Variants in ROR2 observed in about 807,000 individuals in gnomAD.
ROR2 encodes the protein tyrosine-protein kinase transmembrane receptor ROR2.
In ROR2, 33 loss-of-function variants were observed where a neutral mutation model predicts 74.9. The observed-to-expected ratio is 0.44, with a 90% CI of 0.33 to 0.59. The LOEUF is 0.59. Ranked by LOEUF, ROR2 falls within the 20% of genes least tolerant of loss-of-function variation. ROR2 has a pLI of 0.02. For synonymous variants in ROR2, 586 were observed against 558.7 expected, an observed-to-expected ratio of 1.05 and a Z score of -0.69; for missense variants, 1,216 against 1,313.8, an observed-to-expected ratio of 0.93 and a Z score of 1.15.
intron 1 of ROR2, among the ~76,000 whole-genome samples, chr9:91,935,743 C>T (rs1009339645): frequency 6.6e-6 from 1 of 152,112 alleles, no homozygotes; most frequent in East Asian, 1.9e-4. Context: ...TGGGATGCCC[C>T]GCTGCAGAAA....
chr9:91,906,555 ACCTCCACCATTCATTT>A (rs1172744092), intron 1 of ROR2, among the ~76,000 whole-genome samples: 1 of 151,922 alleles, frequency 6.6e-6, no homozygotes, highest in African/African-American at 2.4e-5. Context: ...TCCAAGAGCC[ACCTCCACCATTCATTT>A]CCCCTTCATT....
At chr9:91,731,552 C>T (rs1169566283) in intron 6 of ROR2, among the ~76,000 whole-genome samples, 1 of 152,188 alleles carries the variant, frequency 6.6e-6, no homozygotes, top group African/African-American at 2.4e-5. Context: ...TGGGTGAGAA[C>T]AGTGCAGGCC....
At chr9:91,928,826 C>A (rs941476722) in intron 1 of ROR2, among the ~76,000 whole-genome samples, 8 of 152,246 alleles carry the variant, frequency 5.3e-5, no homozygotes, top group African/African-American at 1.9e-4. Flanking sequence ...GTCAATCATG[C>A]AAGCTCCACA....
At chr9:91,769,746 C>A (rs1734279705) in intron 2 of ROR2, among the ~76,000 whole-genome samples, 2 of 152,188 alleles carry the variant, frequency 1.3e-5, no homozygotes, top group Middle Eastern at 3.2e-3. Flanking sequence ...CCGCTCACTC[C>A]CGTCCCGGCC....
At chr9:91,793,247 A>C (rs1020563351) in intron 1 of ROR2, among the ~76,000 whole-genome samples, 3 of 152,220 alleles carry the variant, frequency 2.0e-5, no homozygotes, top group African/African-American at 7.2e-5. Flanking sequence ...GATCAATAGG[A>C]TGGAATTTGA....
intron 1 of ROR2, among the ~76,000 whole-genome samples, chr9:91,851,563 C>T (rs1382331178): frequency 2.0e-5 from 3 of 152,152 alleles, no homozygotes; most frequent in Non-Finnish European, 2.9e-5. Context: ...ACGTGGACTT[C>T]AGAAACAGCA....
intron 4 of ROR2, among the ~76,000 whole-genome samples, chr9:91,751,178 C>A (rs1171833868): frequency 6.6e-6 from 1 of 151,990 alleles, no homozygotes; most frequent in Non-Finnish European, 1.5e-5. Context: ...AAGAGGGTCC[C>A]TATCAGTGAA....
chr9:91,763,876 A>G (rs1291546707), intron 2 of ROR2, among the ~76,000 whole-genome samples: 2 of 152,212 alleles, frequency 1.3e-5, no homozygotes, highest in Non-Finnish European at 2.9e-5. Flanking sequence ...TGTGATCACA[A>G]TTCTTTGAAG....
intron 1 of ROR2, among the ~76,000 whole-genome samples, chr9:91,815,267 A>T (rs1433423943): frequency 6.6e-6 from 1 of 152,230 alleles, no homozygotes; most frequent in Non-Finnish European, 1.5e-5. Context: ...ATGGTTTCCA[A>T]CATGCCATGT....
chr9:91,947,621 G>C (rs752403065), intron 1 of ROR2, among the ~76,000 whole-genome samples: 7 of 152,150 alleles, frequency 4.6e-5, no homozygotes, highest in Admixed American at 4.6e-4. Context: ...AAAAATGGGG[G>C]CTGGGGGGAC....
intron 1 of ROR2, chr9:91,948,674 G>C (rs1832076660): frequency 1.0e-6 from 1 of 985,554 alleles, no homozygotes; most frequent in Non-Finnish European, 1.2e-6. Flanking sequence ...CGCAGGAAAA[G>C]CAGAGCGTCT....
chr9:91,774,272 C>A (rs1826341498), intron 2 of ROR2, among the ~76,000 whole-genome samples: 1 of 152,218 alleles, frequency 6.6e-6, no homozygotes, highest in Non-Finnish European at 1.5e-5. Context: ...TGCCACCCTG[C>A]ATGCTGGGCA....
intron 2 of ROR2, among the ~76,000 whole-genome samples, chr9:91,758,277 C>A (rs1463441975): frequency 2.0e-5 from 3 of 152,214 alleles, no homozygotes; most frequent in Admixed American, 6.5e-5. Context: ...GGTGAACTCA[C>A]AATTACGGAA....
At position 91,733,586 on chromosome 9, in the gene ROR2, C is replaced by G; in HGVS notation, c.623-150G>C. On this transcript the variant is annotated intron_variant, in intron 5 of 8. Coordinates refer to ENST00000375708, the MANE Select transcript of ROR2 (RefSeq NM_004560.4). This position sits in a 1 kb window ranked among gnomAD's most constrained non-coding sequence, Gnocchi z 5.7. ...CCAGACTCCCCAACCCCGAGCCCCG[C>G]ACACCACCCTGGAGAGGCTCCCCAC... is the stretch of plus-strand genomic sequence containing the variant. 1 of 832,538 alleles carries G rather than the reference C, an allele frequency of 1.2e-6. No homozygotes were observed. Among genetic ancestry groups the G allele is most frequent in the Admixed American group, 2.3e-5 (1 of 43,458 alleles). 51.6% of individuals were successfully genotyped at this position (832,538 alleles called of 1,614,324 possible).
chr9:91,755,984 T>A, intron 4 of ROR2, 87 bp downstream of exon 4: 1 of 1,443,184 alleles, frequency 6.9e-7, no homozygotes, highest in Non-Finnish European at 9.8e-7. Context: ...GGCAAAGACA[T>A]GAGCTGGCAG....
intron 1 of ROR2, among the ~76,000 whole-genome samples, chr9:91,913,598 G>A (rs1463824695): frequency 3.3e-5 from 5 of 152,206 alleles, no homozygotes; most frequent in South Asian, 2.1e-4. Flanking sequence ...ACAAACCCAG[G>A]TACCCATAGT....
Position 91,783,548 on chromosome 9 carries a change from C to G in ROR2, c.98-7730G>C, listed in dbSNP as rs183018488. Among the ~76,000 whole-genome samples, 490 of 152,292 alleles carry G rather than the reference C, an allele frequency of 3.2e-3. 1 individual carries two copies. Among genetic ancestry groups the G allele is most frequent in the African/African-American group, 0.011 (463 of 41,562 alleles). ...ATATGGAAGCCACCTCCAACCCTCACAGCCATCTGCTGAGACCGGCAGTCC... is the reference window on the plus strand; with the variant it reads ...ATATGGAAGCCACCTCCAACCCTCAGAGCCATCTGCTGAGACCGGCAGTCC... On this transcript the variant is annotated intron_variant, in intron 1 of 8. Transcript: ENST00000375708.
intron 1 of ROR2, among the ~76,000 whole-genome samples, chr9:91,929,197 T>C (rs10122619): frequency 0.1 from 15,221 of 152,214 alleles, 1,362 homozygotes; most frequent in African/African-American, 0.24. Context: ...TGAGAAACAC[T>C]ATGTTAGAAA....
At chr9:91,792,069 T>C (rs1826999359) in intron 1 of ROR2, among the ~76,000 whole-genome samples, 1 of 152,088 alleles carries the variant, frequency 6.6e-6, no homozygotes. Flanking sequence ...AAACACAACA[T>C]AAAATTTAAG....
Sources: gnomAD v4.1 joint callset for allele counts (sites outside exome capture counted in the v4.1 genomes callset) on GRCh38, gnomAD v4.1.1 for gene constraint, Gnocchi (gnomAD v3.1) non-coding constraint, MANE v1.5 for transcripts, NCBI Gene and HGNC (gene_info 2026-07-23, HGNC 2026-07-21) for gene names.